The following PRKRA variants were observed in gnomAD, a reference collection of about 807,000 sequenced individuals.
The protein encoded by PRKRA is interferon-inducible double-stranded RNA-dependent protein kinase activator A.
A neutral mutation model predicts 32.4 loss-of-function variants in PRKRA; 22 were observed. The observed-to-expected ratio is 0.68, with a 90% CI of 0.49 to 0.97. The LOEUF is 0.97. Among genes scored for constraint, PRKRA ranks in the 50% least tolerant of loss-of-function variants. The pLI is 0.00. For missense variants in PRKRA, 319 were observed against 375.6 expected (o/e 0.85, Z 1.25); for synonymous variants, 139 against 129.8 (o/e 1.07, Z -0.48).
rs780283451 is a variant in PRKRA at position 178,446,992 on chromosome 2, CAAAAA to C, written c.317+508_317+512del. On this transcript the variant is annotated intron_variant, in intron 3 of 7. Transcript: ENST00000325748. ...TGGGCGACAGAGCGAGACTCCGTCT[CAAAAA>C]AAAAAAAAAAAAAAAAAAAATCTTA... Among the ~76,000 whole-genome samples, 187 of 46,060 alleles carry C rather than the reference CAAAAA, an allele frequency of 4.1e-3. 1 individual carries two copies. The South Asian group carries it at 0.062, about 15-fold the overall frequency. 30.2% of individuals were successfully genotyped at this position (46,060 alleles called of 152,430 possible).
chr2:178,450,907 G>C (rs988860272), intron 1 of PRKRA, 59 bp downstream of exon 1: 4 of 1,222,102 alleles, frequency 3.3e-6, no homozygotes, highest in Non-Finnish European at 4.1e-6. Flanking sequence ...GGCTCCCCGC[G>C]CCCCGGCCCT....
chr2:178,433,886 A>AT (rs1553594744), intron 7 of PRKRA: 1 of 152,216 alleles, frequency 6.6e-6, no homozygotes, highest in Non-Finnish European at 1.5e-5. Context: ...ATGGCTTTCC[A>AT]TATCTACAAG....
intron 6 of PRKRA, 107 bp from the exon 7 acceptor site, chr2:178,436,426 A>G (rs746853507): frequency 9.2e-5 from 86 of 939,094 alleles, no homozygotes; most frequent in Non-Finnish European, 1.2e-4. Context: ...AATATGTTAT[A>G]AAGCATGTTT....
At chr2:178,441,295 A>G (rs1279841768) in intron 6 of PRKRA, among the ~76,000 whole-genome samples, 1 of 145,488 alleles carries the variant, frequency 6.9e-6, no homozygotes, top group Non-Finnish European at 1.5e-5. Flanking sequence ...TGCTAAGTGA[A>G]TGAATGAACA....
At position 178,444,429 on chromosome 2, in the gene PRKRA, G is replaced by T; in HGVS notation, c.389C>A (p.Ser130Ter). The change falls in exon 4 of 8, where the codon TCA becomes TAA. Residue 130 changes from serine (S) to a stop codon, truncating the protein, a stop_gained. Transcript: ENST00000325748. LOFTEE classifies it high-confidence loss of function. ...QPKNQLNPIG[S>*]LQELAIHHGW... is the part of the protein sequence containing the mutation. ...AAGAACTGTACAACTTACCTGTAAT[G>T]AACCAATAGGATTAAGCTGGTTCTT... The T allele has an allele frequency of 6.3e-7, 1 of 1,596,140 alleles. No individual in the cohort carries two copies.
chr2:178,438,649 CG>C (rs1308072938), intron 6 of PRKRA, among the ~76,000 whole-genome samples: 1 of 151,362 alleles, frequency 6.6e-6, no homozygotes, highest in Non-Finnish European at 1.5e-5. Context: ...CTTCAATAAA[CG>C]TGTATCAAGG....
intron 2 of PRKRA, 147 bp from the exon 3 acceptor site, chr2:178,447,733 AAAAATAT>A: frequency 1.2e-6 from 1 of 823,804 alleles, no homozygotes; most frequent in Non-Finnish European, 1.9e-6. Context: ...TACTGTACAT[AAAAATAT>A]GTACATGTTA....
chr2:178,433,031 A>G (rs1176189526), intron 7 of PRKRA, among the ~76,000 whole-genome samples: 1 of 152,234 alleles, frequency 6.6e-6, no homozygotes, highest in Non-Finnish European at 1.5e-5. Flanking sequence ...AGGCATAATA[A>G]AAATGTTATT....
chr2:178,445,845 C>T (rs1054690716), intron 3 of PRKRA: 5 of 152,374 alleles, frequency 3.3e-5, no homozygotes, highest in African/African-American at 7.2e-5. Context: ...ATTCTCGTGT[C>T]TCAGCCTCCC....
rs1696889572 is a variant in PRKRA at position 178,436,245 on chromosome 2, T to G, written c.684A>C (p.Leu228Phe). 5 of 1,613,644 alleles carry G rather than the reference T, an allele frequency of 3.1e-6. No homozygotes were observed. The highest frequency in any genetic ancestry group is 2.2e-5 in the East Asian group (1 of 44,846). Residue 228 changes from leucine (L) to phenylalanine (F), a missense_variant, in exon 7 of 8, where the codon TTA (leucine) becomes TTC (phenylalanine). Transcript: ENST00000325748. ...LRNSPGEKIN[L>F]LKRSLLSIPN... ...GAATACTAAGGAGGCTTCTTTTCAG[T>G]AAGTTGATCTTTTCACCAGGAGAAT...
chr2:178,436,526 C>T (rs1696904091), intron 6 of PRKRA, among the ~76,000 whole-genome samples: 1 of 152,136 alleles, frequency 6.6e-6, no homozygotes, highest in Non-Finnish European at 1.5e-5. Flanking sequence ...TTAAGAAGCA[C>T]TTGCAATAAT....
intron 7 of PRKRA, among the ~76,000 whole-genome samples, chr2:178,435,800 C>T (rs1356816955): frequency 1.3e-5 from 2 of 152,192 alleles, no homozygotes; most frequent in African/African-American, 4.8e-5. Context: ...GCCTTTCTTC[C>T]TTTACTTATA....
chr2:178,447,335 T>C lies in PRKRA; in HGVS notation c.317+170A>G, dbSNP rs879582890. On this transcript the variant is annotated intron_variant, in intron 3 of 7. Transcript: ENST00000325748. ...TTTAATAGCTAATTGCTGGATTTGA[T>C]TGGATAAAGTTTTCTTTAATGGATG... 9.3e-5 allele frequency: 112 copies of C among 1,198,354 alleles called. 1 individual carries two copies. The highest frequency in any genetic ancestry group is 1.8e-4 in the East Asian group (7 of 39,386). The allele number at this position is 1,198,354 out of a possible 1,614,324, so 74.2% of individuals were successfully genotyped here. A position where few individuals can be genotyped will look rare whatever the true frequency, so the allele number is the denominator to read the frequency against.
At chr2:178,443,922 C>T in intron 4 of PRKRA, 1 of 171,208 alleles carries the variant, frequency 5.8e-6, no homozygotes, top group Non-Finnish European at 1.3e-5. Flanking sequence ...CCTAACAGAG[C>T]ACATGGATAA....
At chr2:178,432,800 T>G (rs1416660053) in intron 7 of PRKRA, among the ~76,000 whole-genome samples, 1 of 152,240 alleles carries the variant, frequency 6.6e-6, no homozygotes, top group Admixed American at 6.5e-5. Flanking sequence ...AATAATTGTA[T>G]GTATTTATGC....
Position 178,450,868 on chromosome 2 carries a change from G to T in PRKRA, c.65+98C>A, listed in dbSNP as rs1697587821. The T allele has an allele frequency of 4.9e-6, 6 of 1,232,132 alleles. No individual in the cohort carries two copies. In the East Asian group the frequency reaches 3.3e-4, roughly 68 times the overall value. 76.3% of individuals were successfully genotyped at this position (1,232,132 alleles called of 1,614,324 possible). On this transcript the variant is annotated intron_variant, in intron 1 of 7. Transcript: ENST00000325748. Reference sequence around the variant, plus strand: ...CCGCGGAGGCGTGGGCGCCGGGCACGGCTTTACCCAGAATGCCTCTGGAGG... The same window carrying T: ...CCGCGGAGGCGTGGGCGCCGGGCACTGCTTTACCCAGAATGCCTCTGGAGG...
rs150626686 is a variant in PRKRA, at chr2:178,442,126, C to T, written c.515-422G>A. On this transcript the variant is annotated intron_variant, in intron 5 of 7. Coordinates refer to ENST00000325748, the MANE Select transcript of PRKRA (RefSeq NM_003690.5). Reference sequence around the variant, plus strand: ...TCTCAAACTCCTTACCTCATATGATCGGCCCACCTCAGCCTCCCAAAGGGC... The same window carrying T: ...TCTCAAACTCCTTACCTCATATGATTGGCCCACCTCAGCCTCCCAAAGGGC... 4.6e-5 allele frequency among the ~76,000 whole-genome samples: 7 copies of T among 152,228 alleles called. No homozygotes were observed. The East Asian group carries it at 1.2e-3, about 25-fold the overall frequency.
intron 3 of PRKRA, chr2:178,447,212 A>C (rs1017419765): frequency 2.7e-5 from 9 of 336,326 alleles, no homozygotes; most frequent in Non-Finnish European, 4.9e-5. Flanking sequence ...TCTAAATACA[A>C]AATGTTAATA....
At chr2:178,441,402 T>C (rs1697109422) in intron 6 of PRKRA, among the ~76,000 whole-genome samples, 1 of 152,218 alleles carries the variant, frequency 6.6e-6, no homozygotes, top group South Asian at 2.1e-4. Context: ...AATTTGACTG[T>C]GTCTCCCAAG....
Sources: gnomAD v4.1 joint callset for allele counts (sites outside exome capture counted in the v4.1 genomes callset) on GRCh38, gnomAD v4.1.1 for gene constraint, MANE v1.5 for transcripts, NCBI Gene and HGNC (gene_info 2026-07-23, HGNC 2026-07-21) for gene names.